Variants in TMEM52B observed in about 807,000 individuals in gnomAD.
TMEM52B encodes the protein chromosome 12 open reading frame 59.
TMEM52B carries 11 observed loss-of-function variants against 16.1 expected under a neutral mutation model. The observed-to-expected ratio is 0.68, with a 90% CI of 0.43 to 1.13. The LOEUF (loss-of-function observed/expected upper bound fraction) is 1.13. TMEM52B is among the 50% of genes most tolerant of loss of function. The pLI is 0.00. For missense variants in TMEM52B, 243 were observed against 230.4 expected, an observed-to-expected ratio of 1.05 and a Z score of -0.35; for synonymous variants, 101 against 93.8, an observed-to-expected ratio of 1.08 and a Z score of -0.45.
chr12:10,180,904 C>T (rs1948815029), intron 1 of TMEM52B, among the ~76,000 whole-genome samples: 2 of 152,120 alleles, frequency 1.3e-5, no homozygotes, highest in East Asian at 3.9e-4. Flanking sequence ...CTCCTGGGTT[C>T]AAGCGATTCT....
At chr12:10,181,951 CG>C (rs1337457715) in intron 1 of TMEM52B, among the ~76,000 whole-genome samples, 2 of 145,628 alleles carry the variant, frequency 1.4e-5, no homozygotes, top group Middle Eastern at 3.7e-3. Flanking sequence ...TGCTTGAACC[CG>C]GGAGGTAGAG....
intron 1 of TMEM52B, among the ~76,000 whole-genome samples, chr12:10,173,305 G>GA (rs35622937): frequency 0.11 from 16,909 of 150,802 alleles, 1,110 homozygotes; most frequent in South Asian, 0.26. Flanking sequence ...ATTACTCCAG[G>GA]AAAAAAAAGT....
intron 4 of TMEM52B, among the ~76,000 whole-genome samples, chr12:10,188,583 A>G (rs1038187176): frequency 2.6e-5 from 4 of 151,712 alleles, no homozygotes; most frequent in African/African-American, 7.3e-5. Flanking sequence ...AAGAAAAAAG[A>G]TAACTGGGCA....
At chr12:10,184,746 T>C (rs528315929) in intron 2 of TMEM52B, among the ~76,000 whole-genome samples, 1 of 152,344 alleles carries the variant, frequency 6.6e-6, no homozygotes, top group East Asian at 1.9e-4. Context: ...TATGTTTACA[T>C]TTTATTGACC....
At chr12:10,177,793 ATAATAATAATAATAATAATAAT>A (rs983137693), upstream of TMEM52B, among the ~76,000 whole-genome samples, 7 of 93,632 alleles carry the variant, frequency 7.5e-5, no homozygotes, top group East Asian at 6.3e-4. Flanking sequence ...AATAATAATA[ATAATAATAATAATAATAATAAT>A]TTTTTTATTA....
intron 1 of TMEM52B, among the ~76,000 whole-genome samples, chr12:10,181,752 G>A (rs914692238): frequency 1.3e-5 from 2 of 151,370 alleles, no homozygotes; most frequent in Admixed American, 6.6e-5. Context: ...GGCCGGGCGC[G>A]GTGGCTCACA....
At chr12:10,171,474 T>C (rs1224805194) in intron 1 of TMEM52B, among the ~76,000 whole-genome samples, 3 of 152,214 alleles carry the variant, frequency 2.0e-5, no homozygotes, top group Non-Finnish European at 4.4e-5. Context: ...CTGAATATCA[T>C]TTACTTTGCC....
At chr12:10,186,343 C>A in intron 3 of TMEM52B, 77 bp from the exon 4 acceptor site, 2 of 1,158,906 alleles carry the variant, frequency 1.7e-6, no homozygotes, top group Non-Finnish European at 2.4e-6. Flanking sequence ...AAAACACAGA[C>A]ATTAAAGACT....
chr12:10,189,988 A>G lies in TMEM52B; in HGVS notation c.400A>G (p.Thr134Ala), dbSNP rs745505195. Residue 134 changes from threonine to alanine, a missense_variant, in exon 5 of 5, where the codon ACC becomes GCC. Transcript: ENST00000543484. Reference sequence around the variant, plus strand: ...GGGCCAGCTGCCCTCCTCTTTGGACACCCTCCCAGGGTATGAAGAAGCTCT... The same window carrying G: ...GGGCCAGCTGCCCTCCTCTTTGGACGCCCTCCCAGGGTATGAAGAAGCTCT... ...SLGQLPSSLD[T>A]LPGYEEALHM... 5.6e-6 allele frequency: 9 copies of G among 1,613,952 alleles called. No individual in the cohort carries two copies. In the South Asian group the frequency reaches 8.8e-5, roughly 16 times the overall value.
At position 10,189,641 on chromosome 12, in the gene TMEM52B, AAGAG is replaced by A. The variant is rs756687270; in HGVS notation, c.308-243_308-240del. 7.1e-3 allele frequency among the ~76,000 whole-genome samples: 1,041 copies of A among 147,076 alleles called. 24 individuals are homozygous for A. The highest frequency in any genetic ancestry group is 0.021 in the Middle Eastern group (6 of 286). The stretch of plus-strand genomic sequence containing the variant: ...TCCGTCTCAAAAAAAAAAAAAAAAA[AAGAG>A]AGAGAGAGAGATACAGAAACATTCT... On this transcript the variant is annotated intron_variant, in intron 4 of 4. Coordinates refer to ENST00000543484, the MANE Select transcript of TMEM52B (RefSeq NM_001384896.1).
In TMEM52B at chr12:10,186,603, A is replaced by G. The variant is rs1948883064; in HGVS notation, c.307+14A>G. Reference sequence around the variant, plus strand: ...GCACTATCACATGTGAGTACACTGAACTTTTAACCTGGGAGGAGGACCCAA... The same window carrying G: ...GCACTATCACATGTGAGTACACTGAGCTTTTAACCTGGGAGGAGGACCCAA... On this transcript the variant is annotated intron_variant, in intron 4 of 4. Transcript: ENST00000543484. The G allele has an allele frequency of 6.5e-7, 1 of 1,542,986 alleles. No homozygotes were observed. The highest frequency in any genetic ancestry group is 1.4e-5 in the African/African-American group (1 of 73,860).
Position 10,190,626 on chromosome 12 carries a change from G to C in TMEM52B, c.*486G>C. The C allele has an allele frequency of 5.6e-6, 1 of 178,972 alleles. No individual in the cohort carries two copies. The highest frequency in any genetic ancestry group is 1.3e-4 in the East Asian group (1 of 7,556). The allele number at this position is 178,972 out of a possible 1,614,324, so 11.1% of individuals were successfully genotyped here. On this transcript the variant is annotated 3_prime_UTR_variant, in exon 5 of 5. Coordinates refer to ENST00000543484, the MANE Select transcript of TMEM52B (RefSeq NM_001384896.1). ...ACACCGAATGACAATGATCATCTTA[G>C]ACAGCACAACATACCCACTCGGATA...
At position 10,181,527 on chromosome 12, in the gene TMEM52B, A is replaced by G. The variant is rs1591989355; in HGVS notation, c.55-1023A>G. 2.0e-5 allele frequency among the ~76,000 whole-genome samples: 3 copies of G among 150,820 alleles called. No individual in the cohort carries two copies. The South Asian group carries it at 6.3e-4, about 32-fold the overall frequency. ...GTATTTTTCGTAGAGACGGGATTTC[A>G]CCATGTTGGCCAGGCTGGTCTCGAA... On this transcript the variant is annotated intron_variant, in intron 1 of 4. Transcript: ENST00000543484.
chr12:10,189,548 C>CAGG (rs1458766081), intron 4 of TMEM52B, among the ~76,000 whole-genome samples: 1 of 147,392 alleles, frequency 6.8e-6, no homozygotes, highest in African/African-American at 2.5e-5. Context: ...CACTTGAATC[C>CAGG]AGGAGGCGGA....
At chr12:10,173,554 G>C (rs542090339) in intron 1 of TMEM52B, among the ~76,000 whole-genome samples, 16 of 151,634 alleles carry the variant, frequency 1.1e-4, no homozygotes, top group African/African-American at 1.5e-4. Flanking sequence ...CTGAGGGGGG[G>C]GGTGGATCAC....
At chr12:10,181,550 G>A (rs986013743) in intron 1 of TMEM52B, among the ~76,000 whole-genome samples, 10 of 150,630 alleles carry the variant, frequency 6.6e-5, no homozygotes, top group African/African-American at 1.7e-4. Flanking sequence ...GGCTGGTCTC[G>A]AACTCCTGAC....
At chr12:10,180,295 A>G (rs557288562) in intron 1 of TMEM52B, among the ~76,000 whole-genome samples, 2 of 138,840 alleles carry the variant, frequency 1.4e-5, no homozygotes, top group Admixed American at 1.5e-4. Flanking sequence ...TTTTTTTGCT[A>G]ATAGAACAGT....
At chr12:10,185,213 T>C in intron 2 of TMEM52B, 117 bp from the exon 3 acceptor site, 4 of 759,100 alleles carry the variant, frequency 5.3e-6, no homozygotes, top group Non-Finnish European at 9.2e-6. Flanking sequence ...ACATAACCCA[T>C]GGTGCTTTAT....
chr12:10,189,656 A>C (rs1948933557), intron 4 of TMEM52B, among the ~76,000 whole-genome samples: 1 of 150,686 alleles, frequency 6.6e-6, no homozygotes, highest in Admixed American at 6.6e-5. Context: ...AGAGAGAGAG[A>C]TACAGAAACA....
Sources: allele counts gnomAD v4.1 joint callset (sites outside exome capture counted in the v4.1 genomes callset), GRCh38; gene constraint gnomAD v4.1.1; transcripts MANE v1.5; gene names NCBI Gene and HGNC (gene_info 2026-07-23, HGNC 2026-07-21).